The following PHF3 variants were observed in gnomAD, a reference collection of about 807,000 sequenced individuals.
PHF3 encodes the protein PHD finger protein 3.
In PHF3, 41 loss-of-function variants were observed where a neutral mutation model predicts 178.4. The ratio of observed to expected loss-of-function variants is 0.23; its 90% confidence interval spans 0.18 to 0.30. PHF3 has a LOEUF of 0.30. Ranked by LOEUF, PHF3 falls within the 10% of genes least tolerant of loss-of-function variation. The pLI, the probability that PHF3 is intolerant of heterozygous loss-of-function variation, is 1.00. For synonymous variants in PHF3, 842 were observed against 800.5 expected, an observed-to-expected ratio of 1.05 and a Z score of -0.88; for missense variants, 2,346 against 2,398.1, an observed-to-expected ratio of 0.98 and a Z score of 0.45.
At position 63,713,818 on chromosome 6, in the gene PHF3, A is replaced by G. The variant is rs1768084685; in HGVS notation, c.*110A>G. Reference sequence around the variant, plus strand: ...TTGTGCCATCTTTAAAATTTTTACTATTGGTCATTTGCAGAACAGTAAATT... The same window carrying G: ...TTGTGCCATCTTTAAAATTTTTACTGTTGGTCATTTGCAGAACAGTAAATT... On this transcript the variant is annotated 3_prime_UTR_variant, in exon 16 of 16. Transcript: ENST00000262043. 1.4e-5 allele frequency: 13 copies of G among 898,368 alleles called. No homozygotes were observed. The highest frequency in any genetic ancestry group is 2.2e-5 in the Non-Finnish European group (13 of 603,744). The allele number at this position is 898,368 out of a possible 1,614,324, so 55.6% of individuals were successfully genotyped here.
intron 4 of PHF3, among the ~76,000 whole-genome samples, chr6:63,691,294 A>G (rs775236288): frequency 1.7e-4 from 26 of 152,138 alleles, no homozygotes; most frequent in Non-Finnish European, 3.5e-4. Context: ...ATTCTTCCCA[A>G]TTTTATATGT....
chr6:63,693,476 A>G (rs1230621728), intron 5 of PHF3, among the ~76,000 whole-genome samples: 1 of 152,144 alleles, frequency 6.6e-6, no homozygotes, highest in Non-Finnish European at 1.5e-5. Context: ...TTAGCCGAGC[A>G]TGGTGGTGCA....
Position 63,636,057 on chromosome 6 carries a change from C to A in PHF3, c.-119C>A. ...TCCTGCGCGTACCCCCTCTCCGCGG[C>A]ACCCACCGGGCCCCCTCCTCCTCCT... On this transcript the variant is annotated 5_prime_UTR_variant, in exon 1 of 16. Transcript: ENST00000262043. 2 of 394,242 alleles carry A rather than the reference C, an allele frequency of 5.1e-6. No homozygotes were observed. Among genetic ancestry groups the A allele is most frequent in the Non-Finnish European group, 9.0e-6 (2 of 223,462 alleles). The allele number at this position is 394,242 out of a possible 1,614,324, so 24.4% of individuals were successfully genotyped here.
chr6:63,665,847 A>G (rs989159254), intron 2 of PHF3, among the ~76,000 whole-genome samples: 5 of 152,178 alleles, frequency 3.3e-5, no homozygotes, highest in Non-Finnish European at 2.9e-5. Flanking sequence ...AAAAGGAACT[A>G]TATTTATATT....
Position 63,691,779 on chromosome 6 carries a change from T to G in PHF3, c.2232T>G (p.Gly744=). 6.2e-7 allele frequency: 1 copy of G among 1,613,230 alleles called. No homozygotes were observed. Among genetic ancestry groups the G allele is most frequent in the Non-Finnish European group, 8.5e-7 (1 of 1,179,518 alleles). ...GCGRCDDWFH[G]DCVGLSLSQA... ...GGAGATGTGATGACTGGTTTCATGG[T>G]GATTGTGTTGGGTTAAGTCTTTCTC... Residue 744 remains glycine (G), a synonymous_variant, in exon 5 of 16, where the codon GGT becomes GGG. Transcript: ENST00000262043.
chr6:63,699,892 CTCAGGTTTCTT>C (rs1274205427), intron 8 of PHF3, among the ~76,000 whole-genome samples: 2 of 152,130 alleles, frequency 1.3e-5, no homozygotes, highest in Non-Finnish European at 2.9e-5. Context: ...CCCGGCCTCC[CTCAGGTTTCTT>C]TCAGGTTTCT....
At position 63,720,445 on chromosome 6, in the gene PHF3, T is replaced by C; in HGVS notation, c.*6737T>C. 1.7e-6 allele frequency: 1 copy of C among 590,508 alleles called. No individual in the cohort carries two copies. The highest frequency in any genetic ancestry group is 2.8e-6 in the Non-Finnish European group (1 of 358,128). The allele number at this position is 590,508 out of a possible 1,614,324, so 36.6% of individuals were successfully genotyped here. A position where few individuals can be genotyped will look rare whatever the true frequency, so the allele number is the denominator to read the frequency against. On this transcript the variant is annotated 3_prime_UTR_variant, in exon 16 of 16. Coordinates refer to ENST00000262043, the MANE Select transcript of PHF3 (RefSeq NM_001370348.2). ...AAAACAATCAGAACCTTCAGTGACA[T>C]TTTACAATCTTATCAAAAAGATATG...
chr6:63,680,242 A>G, intron 3 of PHF3, 81 bp downstream of exon 3: 1 of 1,200,752 alleles, frequency 8.3e-7, no homozygotes, highest in Non-Finnish European at 1.2e-6. Flanking sequence ...CTGAGCAGAA[A>G]TCATATTTTC....
At chr6:63,692,189 A>G in intron 5 of PHF3, 146 bp downstream of exon 5, 1 of 665,148 alleles carries the variant, frequency 1.5e-6, no homozygotes, top group Middle Eastern at 4.2e-4. Flanking sequence ...ATAGGTTTTT[A>G]TTTAAAATTT....
At chr6:63,680,686 T>C (rs894950383) in intron 3 of PHF3, among the ~76,000 whole-genome samples, 3 of 152,070 alleles carry the variant, frequency 2.0e-5, no homozygotes, top group African/African-American at 7.2e-5. Flanking sequence ...TTCTCAGTTG[T>C]TTAGTGTGTA....
At chr6:63,668,386 T>G (rs911411637) in intron 2 of PHF3, among the ~76,000 whole-genome samples, 1 of 152,204 alleles carries the variant, frequency 6.6e-6, no homozygotes, top group African/African-American at 2.4e-5. Flanking sequence ...CAGGCTGCAG[T>G]GCAGTGGCGT....
intron 2 of PHF3, among the ~76,000 whole-genome samples, chr6:63,672,608 C>G (rs768463870): frequency 2.2e-4 from 33 of 152,152 alleles, no homozygotes; most frequent in Non-Finnish European, 3.8e-4. Flanking sequence ...TTCTACTGCT[C>G]TGTTTTCCAC....
Position 63,717,746 on chromosome 6 carries a change from C to T in PHF3, c.*4038C>T, listed in dbSNP as rs1315006700. Reference sequence around the variant, plus strand: ...ATGAAATAATTCAGTGTGTGCATGTCCATGTGTGTATATATACATATATGT... The same window carrying T: ...ATGAAATAATTCAGTGTGTGCATGTTCATGTGTGTATATATACATATATGT... On this transcript the variant is annotated 3_prime_UTR_variant, in exon 16 of 16. Transcript: ENST00000262043. Among the ~76,000 whole-genome samples the T allele has an allele frequency of 6.6e-6, 1 of 151,894 alleles. No homozygotes were observed. Among genetic ancestry groups the T allele is most frequent in the African/African-American group, 2.4e-5 (1 of 41,388 alleles).
In PHF3 at chr6:63,692,015, T is replaced by C; in HGVS notation, c.2468T>C (p.Val823Ala). Residue 823 changes from valine (V) to alanine (A), a missense_variant, in exon 5 of 16, where the codon GTG becomes GCG. This residue lies in a region of PHF3 where 252 missense variants were observed against 232.0 expected (regional missense o/e 1.09). Coordinates refer to ENST00000262043, the MANE Select transcript of PHF3 (RefSeq NM_001370348.2). ...NDRTKYIDDT[V>A]KHKVKILKRE... ...AGAACCAAATATATAGATGATACAG[T>C]GAAGCACAAGGTCAAAATTTTAAAA... The C allele has an allele frequency of 6.2e-7, 1 of 1,609,470 alleles. No individual in the cohort carries two copies. Among genetic ancestry groups the C allele is most frequent in the Non-Finnish European group, 8.5e-7 (1 of 1,177,876 alleles).
intron 2 of PHF3, among the ~76,000 whole-genome samples, chr6:63,674,511 A>G (rs1031207267): frequency 6.6e-6 from 1 of 151,806 alleles, no homozygotes; most frequent in African/African-American, 2.4e-5. Context: ...ATACAACTCG[A>G]TGTAGTGTAT....
At chr6:63,638,869 ATATTCTT>A (rs1203163854) in intron 1 of PHF3, among the ~76,000 whole-genome samples, 2 of 152,160 alleles carry the variant, frequency 1.3e-5, no homozygotes, top group African/African-American at 4.8e-5. Context: ...CAGTCAAAAA[ATATTCTT>A]TAATTGTTGC....
chr6:63,707,725 CTT>C (rs3839636), intron 13 of PHF3, among the ~76,000 whole-genome samples: 34 of 133,250 alleles, frequency 2.6e-4, no homozygotes, highest in Non-Finnish European at 4.0e-4. Context: ...ATTTGCCTGT[CTT>C]TTTTTTTTTT....
chr6:63,638,355 T>C (rs1447494537), intron 1 of PHF3, among the ~76,000 whole-genome samples: 1 of 152,134 alleles, frequency 6.6e-6, no homozygotes, highest in East Asian at 1.9e-4. Context: ...ATGAAAATTA[T>C]ACATACAATT....
At position 63,721,133 on chromosome 6, in the gene PHF3, T is replaced by C; in HGVS notation, c.*7425T>C. ...TCATTCTATAATTTGGATCAATGTA[T>C]TTAATGTAAGAATTACCCATAAATT... On this transcript the variant is annotated 3_prime_UTR_variant, in exon 16 of 16. Coordinates refer to ENST00000262043, the MANE Select transcript of PHF3 (RefSeq NM_001370348.2). 6.4e-7 allele frequency: 1 copy of C among 1,551,512 alleles called. No homozygotes were observed. Among genetic ancestry groups the C allele is most frequent in the Non-Finnish European group, 8.7e-7 (1 of 1,146,788 alleles).
Sources: allele counts gnomAD v4.1 joint callset (sites outside exome capture counted in the v4.1 genomes callset), GRCh38; gene constraint gnomAD v4.1.1; regional missense constraint gnomAD v4.1.1; transcripts MANE v1.5; gene names NCBI Gene and HGNC (gene_info 2026-07-23, HGNC 2026-07-21).